Variants in EYS observed in about 807,000 individuals in gnomAD.
EYS encodes protein eyes shut homolog.
In EYS, 250 loss-of-function variants were observed where a neutral mutation model predicts 282.1. The ratio of observed to expected loss-of-function variants is 0.89; its 90% CI spans 0.80 to 0.98. EYS has a LOEUF of 0.98. Among genes scored for constraint, EYS ranks in the 50% least tolerant of loss-of-function variants. The probability of loss-of-function intolerance (pLI) is 0.00; values close to 1 mark genes in which losing one functional copy is unlikely to be tolerated. For synonymous variants in EYS, 1,355 were observed against 1,282.9 expected, an observed-to-expected ratio of 1.06 and a Z score of -1.20; for missense variants, 4,016 against 3,709.0, an observed-to-expected ratio of 1.08 and a Z score of -2.15.
intron 22 of EYS, among the ~76,000 whole-genome samples, chr6:64,707,537 C>G (rs546494556): frequency 2.0e-5 from 3 of 151,670 alleles, no homozygotes; most frequent in Non-Finnish European, 4.4e-5. Flanking sequence ...GGCGTGGTGG[C>G]GGGCGCCTGT....
At chr6:64,976,646 G>A (rs970378765) in intron 14 of EYS, among the ~76,000 whole-genome samples, 2 of 151,810 alleles carry the variant, frequency 1.3e-5, no homozygotes, top group East Asian at 3.9e-4. Flanking sequence ...ATTGCTTTGG[G>A]GGTAGGATTT....
chr6:64,078,664 A>G (rs1008956074), intron 32 of EYS, among the ~76,000 whole-genome samples: 2 of 152,054 alleles, frequency 1.3e-5, no homozygotes, highest in Admixed American at 6.6e-5. Flanking sequence ...CTATAACAAC[A>G]ATTATATAAG....
intron 31 of EYS, among the ~76,000 whole-genome samples, chr6:64,091,541 C>A (rs1047396306): frequency 3.9e-5 from 6 of 152,150 alleles, no homozygotes; most frequent in Non-Finnish European, 8.8e-5. Context: ...GCAGGACTGA[C>A]TTCACATGTG....
intron 1 of EYS, among the ~76,000 whole-genome samples, chr6:65,699,937 A>G (rs1322067273): frequency 5.3e-5 from 8 of 151,124 alleles, no homozygotes; most frequent in Non-Finnish European, 1.2e-4. Context: ...ACATGGTGAA[A>G]CCCTGTCTCT....
intron 41 of EYS, among the ~76,000 whole-genome samples, chr6:63,743,125 G>A (rs1426438648): frequency 6.6e-6 from 1 of 152,104 alleles, no homozygotes; most frequent in African/African-American, 2.4e-5. Context: ...CTATATCCCT[G>A]CCAGCATTTG....
intron 35 of EYS, among the ~76,000 whole-genome samples, chr6:63,972,228 GT>G (rs1353894894): frequency 6.6e-6 from 1 of 152,176 alleles, no homozygotes; most frequent in East Asian, 1.9e-4. Flanking sequence ...AAAGGAACAT[GT>G]GACATTTTAT....
chr6:65,133,315 A>C (rs1409394236), intron 12 of EYS, among the ~76,000 whole-genome samples: 1 of 151,890 alleles, frequency 6.6e-6, no homozygotes, highest in Non-Finnish European at 1.5e-5. Context: ...AAAAACACCA[A>C]ACAAGCAAAC....
chr6:64,606,717 T>C (rs1455830875), intron 24 of EYS, among the ~76,000 whole-genome samples: 1 of 152,096 alleles, frequency 6.6e-6, no homozygotes, highest in Non-Finnish European at 1.5e-5. Flanking sequence ...GTCAGCCTTA[T>C]AGTCAGAAAG....
At chr6:64,953,175 A>G (rs569954763) in intron 14 of EYS, among the ~76,000 whole-genome samples, 2 of 151,992 alleles carry the variant, frequency 1.3e-5, no homozygotes, top group South Asian at 2.1e-4. Flanking sequence ...AAGTTTTTAT[A>G]CATTAGAATT....
chr6:64,056,177 C>A (rs950745923), intron 33 of EYS, among the ~76,000 whole-genome samples: 2 of 152,168 alleles, frequency 1.3e-5, no homozygotes, highest in Non-Finnish European at 2.9e-5. Context: ...TTACTAAGAG[C>A]ATTCTCTAAT....
chr6:65,016,201 T>TA lies in EYS; in HGVS notation c.2138-18499dup, dbSNP rs1286404600. Among the ~76,000 whole-genome samples, 168 of 145,288 alleles carry TA rather than the reference T, an allele frequency of 1.2e-3. 1 individual carries two copies. The highest frequency in any genetic ancestry group is 2.6e-3 in the African/African-American group (103 of 39,908). ...TAACATGGTGAAACCTCGTTTCTAC[T>TA]AAAAAAAAAAAGTATATATATATTT... On this transcript the variant is annotated intron_variant, in intron 13 of 42. Coordinates refer to ENST00000503581, the MANE Select transcript of EYS (RefSeq NM_001142800.2).
At chr6:63,952,389 A>G (rs918011412) in intron 35 of EYS, among the ~76,000 whole-genome samples, 1 of 152,232 alleles carries the variant, frequency 6.6e-6, no homozygotes, top group Admixed American at 6.5e-5. Flanking sequence ...AGCCTCCTGG[A>G]CCATCACAGA....
At chr6:63,825,921 C>A (rs1390817616) in intron 36 of EYS, among the ~76,000 whole-genome samples, 1 of 152,056 alleles carries the variant, frequency 6.6e-6, no homozygotes, top group Non-Finnish European at 1.5e-5. Flanking sequence ...AAAAAGAATT[C>A]AGGAGGTTAG....
At chr6:64,229,838 T>C (rs1007227166) in intron 31 of EYS, among the ~76,000 whole-genome samples, 2 of 152,196 alleles carry the variant, frequency 1.3e-5, no homozygotes, top group African/African-American at 4.8e-5. Flanking sequence ...CAGTCTTGGA[T>C]AAGTAATAAA....
At chr6:65,589,153 C>T (rs1483868320) in intron 2 of EYS, among the ~76,000 whole-genome samples, 2 of 151,984 alleles carry the variant, frequency 1.3e-5, no homozygotes, top group African/African-American at 4.8e-5. Flanking sequence ...GATTTGCTTA[C>T]AGTCACTATC....
chr6:64,392,579 T>C (rs1022247220), intron 28 of EYS, among the ~76,000 whole-genome samples: 1 of 151,596 alleles, frequency 6.6e-6, no homozygotes, highest in Non-Finnish European at 1.5e-5. Context: ...TTGAAACCAA[T>C]GAGAACAAAG....
At chr6:64,378,579 T>A (rs1489542740) in intron 29 of EYS, among the ~76,000 whole-genome samples, 1 of 152,088 alleles carries the variant, frequency 6.6e-6, no homozygotes, top group East Asian at 1.9e-4. Context: ...CTTAAAATAA[T>A]AGTAAAGGAT....
intron 31 of EYS, among the ~76,000 whole-genome samples, chr6:64,165,916 CAAAT>C (rs956550274): frequency 2.6e-5 from 4 of 152,198 alleles, no homozygotes; most frequent in African/African-American, 7.2e-5. Context: ...TAGTGCCTGA[CAAAT>C]AAACCATCAT....
At chr6:64,683,210 AT>A (rs902267392) in intron 22 of EYS, among the ~76,000 whole-genome samples, 1 of 152,120 alleles carries the variant, frequency 6.6e-6, no homozygotes, top group Non-Finnish European at 1.5e-5. Flanking sequence ...TTCACAATCC[AT>A]TTTTTTAAAC....
Sources: gnomAD v4.1 joint callset for allele counts (sites outside exome capture counted in the v4.1 genomes callset) on GRCh38, gnomAD v4.1.1 for gene constraint, MANE v1.5 for transcripts, NCBI Gene and HGNC (gene_info 2026-07-23, HGNC 2026-07-21) for gene names.